Variants in SMURF1 observed in about 807,000 individuals in gnomAD.
The protein encoded by SMURF1 is SMAD specific E3 ubiquitin protein ligase 1, also known as E3 ubiquitin-protein ligase SMURF1.
A neutral mutation model predicts 98.0 loss-of-function variants in SMURF1; 44 were observed. That is an observed-to-expected ratio of 0.45 (90% CI 0.35 to 0.58). SMURF1 has a LOEUF of 0.58. SMURF1 is among the 20% of genes least tolerant of loss of function. The pLI is 0.00. For synonymous variants in SMURF1, 396 were observed against 374.9 expected (o/e 1.06, Z -0.65); for missense variants, 687 against 938.4 (o/e 0.73, Z 3.50).
chr7:99,103,261 T>C (rs2150592885), intron 1 of SMURF1, among the ~76,000 whole-genome samples: 1 of 152,340 alleles, frequency 6.6e-6, no homozygotes, highest in South Asian at 2.1e-4. Context: ...CTCCCAGCAC[T>C]GTATACATAC....
chr7:99,129,480 C>A (rs1797818989), intron 1 of SMURF1, among the ~76,000 whole-genome samples: 4 of 152,244 alleles, frequency 2.6e-5, no homozygotes, highest in Admixed American at 2.6e-4. Flanking sequence ...TAGCCTCAAC[C>A]TCTTGAGCTC....
At position 99,095,063 on chromosome 7, in the gene SMURF1, G is replaced by GTTTATTTTATTTTAT. The variant is rs10525660; in HGVS notation, c.56-33241_56-33227dup. Among the ~76,000 whole-genome samples, 49 of 149,658 alleles carry GTTTATTTTATTTTAT rather than the reference G, an allele frequency of 3.3e-4. 1 individual carries two copies. In the South Asian group the frequency reaches 8.4e-3, roughly 26 times the overall value. ...GCCAGGTTTCCATGTTGCTGTTTTT[G>GTTTATTTTATTTTAT]TTTATTTTATTTTATTTTATTTTAT... On this transcript the variant is annotated intron_variant, in intron 1 of 17. Coordinates refer to ENST00000361368, the MANE Select transcript of SMURF1 (RefSeq NM_181349.3).
Position 99,054,820 on chromosome 7 carries a change from A to C in SMURF1, c.449T>G (p.Val150Gly), listed in dbSNP as rs749892070. ...RDRIGTGGSVVDCRGLLENEG... is the reference protein window; with the variant it reads ...RDRIGTGGSVGDCRGLLENEG... ...ATTTTCTAACAGTCCTCTGCAGTCCACCACCGAGCCGCCGGTTCCTATTCT... is the reference window on the plus strand; with the variant it reads ...ATTTTCTAACAGTCCTCTGCAGTCCCCCACCGAGCCGCCGGTTCCTATTCT... Residue 150 changes from valine (V) to glycine (G), a missense_variant, in exon 6 of 18, where the codon GTG (valine) becomes GGG (glycine). Physicochemically the swap from Val to Gly is moderately radical, Grantham distance 109. Around this residue, in one of 2 missense-constraint regions of SMURF1, gnomAD observed 415 missense variants for 508.4 expected, o/e 0.82. Coordinates refer to ENST00000361368, the MANE Select transcript of SMURF1 (RefSeq NM_181349.3). 6.2e-7 allele frequency: 1 copy of C among 1,614,014 alleles called. No homozygotes were observed. Among genetic ancestry groups the C allele is most frequent in the Non-Finnish European group, 8.5e-7 (1 of 1,179,968 alleles).
At position 99,097,500 on chromosome 7, in the gene SMURF1, G is replaced by A. The variant is rs144793362; in HGVS notation, c.56-35663C>T. 4.7e-4 allele frequency among the ~76,000 whole-genome samples: 71 copies of A among 152,326 alleles called. 1 individual carries two copies. Among genetic ancestry groups the A allele is most frequent in the Non-Finnish European group, 5.4e-4 (37 of 68,038 alleles). Reference sequence around the variant, plus strand: ...ACATTAAAAAAGGGCTCGAGGCTGTGAGTTCAATCTCTTGCTCTCTCTCTC... The same window carrying A: ...ACATTAAAAAAGGGCTCGAGGCTGTAAGTTCAATCTCTTGCTCTCTCTCTC... On this transcript the variant is annotated intron_variant, in intron 1 of 17. Coordinates refer to ENST00000361368, the MANE Select transcript of SMURF1 (RefSeq NM_181349.3).
rs184223614 is a variant in SMURF1, at chr7:99,088,150, C to T, written c.56-26313G>A. The stretch of plus-strand genomic sequence containing the variant: ...GCAGGCGCCTGTAATCCCAGCTACT[C>T]GGGAGGCTGAGGCAGGAGAATCACT... On this transcript the variant is annotated intron_variant, in intron 1 of 17. Transcript: ENST00000361368. Among the ~76,000 whole-genome samples, 212 of 151,498 alleles carry T rather than the reference C, an allele frequency of 1.4e-3. 2 individuals carry two copies. The highest frequency in any genetic ancestry group is 4.8e-3 in the African/African-American group (199 of 41,260).
chr7:99,049,815 T>G (rs1795701182), intron 8 of SMURF1, 106 bp from the exon 9 acceptor site: 2 of 1,132,378 alleles, frequency 1.8e-6, no homozygotes, highest in Non-Finnish European at 1.2e-6. Context: ...GGTGTCTGTG[T>G]CCCAGCTCTG....
At chr7:99,040,349 C>T (rs369532281) in intron 13 of SMURF1, 29 bp downstream of exon 13, 14 of 1,439,904 alleles carry the variant, frequency 9.7e-6, no homozygotes, top group Non-Finnish European at 1.2e-5. Flanking sequence ...GGCCCTAAGC[C>T]AGGTGACCGG....
At chr7:99,061,336 TTTC>T (rs1796030676) in intron 2 of SMURF1, among the ~76,000 whole-genome samples, 1 of 152,270 alleles carries the variant, frequency 6.6e-6, no homozygotes, top group Non-Finnish European at 1.5e-5. Context: ...ACTGCATGAC[TTTC>T]TTAAGGAGTG....
Position 99,081,855 on chromosome 7 carries a change from G to C in SMURF1, c.56-20018C>G, listed in dbSNP as rs931283346. On this transcript the variant is annotated intron_variant, in intron 1 of 17. Transcript: ENST00000361368. ...TTTAGTAGAGATGGGGTTTTGCCGT[G>C]TTGGCCAGGCTGGTCTCGAACTCCT... is the stretch of plus-strand genomic sequence containing the variant. Among the ~76,000 whole-genome samples the C allele has an allele frequency of 2.0e-5, 3 of 152,166 alleles. No individual in the cohort carries two copies. The South Asian group carries it at 6.2e-4, about 31-fold the overall frequency.
chr7:99,138,912 A>T (rs1798053699), intron 1 of SMURF1, among the ~76,000 whole-genome samples: 1 of 152,208 alleles, frequency 6.6e-6, no homozygotes, highest in African/African-American at 2.4e-5. Context: ...AATTCATCTC[A>T]AAGAACTGCC....
chr7:99,097,906 T>C (rs762554311), intron 1 of SMURF1, among the ~76,000 whole-genome samples: 1 of 152,234 alleles, frequency 6.6e-6, no homozygotes, highest in Non-Finnish European at 1.5e-5. Flanking sequence ...CAGTGAAGAT[T>C]TGAAGACAGA....
intron 14 of SMURF1, 63 bp from the exon 15 acceptor site, chr7:99,037,250 T>A (rs1370722912): frequency 1.0e-5 from 16 of 1,607,924 alleles, no homozygotes; most frequent in Non-Finnish European, 1.4e-5. Flanking sequence ...GGGCAGGTTT[T>A]TTTTGGAGAC....
chr7:99,113,469 C>T (rs1797366288), intron 1 of SMURF1, among the ~76,000 whole-genome samples: 1 of 152,064 alleles, frequency 6.6e-6, no homozygotes, highest in Admixed American at 6.5e-5. Context: ...CATTACAAAG[C>T]TAAAAACCAA....
chr7:99,134,995 TAAGAC>T (rs1425481064), intron 1 of SMURF1, among the ~76,000 whole-genome samples: 1 of 152,202 alleles, frequency 6.6e-6, no homozygotes, highest in Non-Finnish European at 1.5e-5. Flanking sequence ...TTCAGAGCTA[TAAGAC>T]AAGTAGCCAA....
chr7:99,133,559 GA>G (rs1292502077), intron 1 of SMURF1, among the ~76,000 whole-genome samples: 1 of 151,320 alleles, frequency 6.6e-6, no homozygotes, highest in Non-Finnish European at 1.5e-5. Context: ...GCCACTGGTG[GA>G]AAATGTAAAT....
intron 1 of SMURF1, among the ~76,000 whole-genome samples, chr7:99,063,542 C>T (rs1414305846): frequency 6.6e-6 from 1 of 150,518 alleles, no homozygotes; most frequent in Non-Finnish European, 1.5e-5. Context: ...CTCCCAACTT[C>T]GCCCCACAAA....
chr7:99,037,050 G>GCACAGCAGGCACATACCTC lies in SMURF1; in HGVS notation c.1807_1809+16dup. 1 of 1,613,248 alleles carries GCACAGCAGGCACATACCTC rather than the reference G, an allele frequency of 6.2e-7. No individual in the cohort carries two copies. The highest frequency in any genetic ancestry group is 1.8e-4 in the Middle Eastern group (1 of 5,462). The stretch of plus-strand genomic sequence containing the variant: ...CACAGGGACGCCCTGGGTCGACTCC[G>GCACAGCAGGCACATACCTC]CACAGCAGGCACATACCTCCAGTTC... On this transcript the variant is annotated intron_variant, in intron 15 of 17. Coordinates refer to ENST00000361368, the MANE Select transcript of SMURF1 (RefSeq NM_181349.3).
chr7:99,076,853 GTGCATGTGTGTGCGTGTGCC>G (rs1796473077), intron 1 of SMURF1, among the ~76,000 whole-genome samples: 1 of 151,940 alleles, frequency 6.6e-6, no homozygotes, highest in African/African-American at 2.4e-5. Flanking sequence ...GTGTGTGCAC[GTGCATGTGTGTGCGTGTGCC>G]TGCATGTGTG....
chr7:99,095,568 T>C (rs1477322044), intron 1 of SMURF1, among the ~76,000 whole-genome samples: 1 of 152,196 alleles, frequency 6.6e-6, no homozygotes, highest in Non-Finnish European at 1.5e-5. Flanking sequence ...TTTTAGTGTA[T>C]TGTTGTGCAG....
Sources: allele counts gnomAD v4.1 joint callset (sites outside exome capture counted in the v4.1 genomes callset), GRCh38; gene constraint gnomAD v4.1.1; regional missense constraint gnomAD v4.1.1; transcripts MANE v1.5; gene names NCBI Gene and HGNC (gene_info 2026-07-23, HGNC 2026-07-21).